KLHL4: variants seen among roughly 807,000 people sequenced by gnomAD.
KLHL4 encodes kelch-like protein 4.
KLHL4 carries 17 observed loss-of-function variants against 45.8 expected under a neutral mutation model. That is an observed-to-expected ratio of 0.37 (90% CI 0.25 to 0.56). The LOEUF (loss-of-function observed/expected upper bound fraction) is 0.56, where lower values mean the gene tolerates loss of function less well. Among genes scored for constraint, KLHL4 ranks in the 20% least tolerant of loss-of-function variants. The pLI, the probability that KLHL4 is intolerant of heterozygous loss-of-function variation, is 0.79. For synonymous variants in KLHL4, 224 were observed against 189.9 expected (o/e 1.18, Z -1.47); for missense variants, 544 against 544.9 (o/e 1.00, Z 0.02).
At chrX:87,633,038 G>A (rs1169885609) in intron 7 of KLHL4, among the ~76,000 whole-genome samples, 1 of 111,424 alleles carries the variant, frequency 9.0e-6, no homozygotes, top group Non-Finnish European at 1.9e-5. Context: ...GTTCAGTTAT[G>A]TCAGTGTTAT....
At chrX:87,626,439 C>T (rs1033569213) in intron 6 of KLHL4, among the ~76,000 whole-genome samples, 2 of 110,696 alleles carry the variant, frequency 1.8e-5, no homozygotes, top group Non-Finnish European at 3.8e-5. Flanking sequence ...TTTTCATAAA[C>T]AATAAAGCAG....
chrX:87,541,774 A>G (rs1420543003), intron 1 of KLHL4, among the ~76,000 whole-genome samples: 3 of 111,492 alleles, frequency 2.7e-5, no homozygotes, highest in African/African-American at 9.8e-5. Flanking sequence ...AAAATGTGGG[A>G]GCGACTTTGG....
At chrX:87,545,554 C>T (rs1408064742) in intron 1 of KLHL4, among the ~76,000 whole-genome samples, 1 of 111,779 alleles carries the variant, frequency 8.9e-6, no homozygotes, top group Admixed American at 9.5e-5. Flanking sequence ...GTCAATTAAA[C>T]CACTTTTCTT....
chrX:87,626,612 A>G (rs921518718), intron 6 of KLHL4, among the ~76,000 whole-genome samples: 14 of 106,710 alleles, frequency 1.3e-4, no homozygotes, highest in African/African-American at 4.1e-4. Flanking sequence ...CCCACAAGGA[A>G]TTTCCTTGTG....
At chrX:87,644,938 A>G (rs1014702674) in intron 9 of KLHL4, among the ~76,000 whole-genome samples, 1 of 112,186 alleles carries the variant, frequency 8.9e-6, no homozygotes, top group African/African-American at 3.2e-5. Context: ...ACCTGAAACT[A>G]TAAAAATTCT....
chrX:87,633,318 T>A (rs779130763), intron 7 of KLHL4, among the ~76,000 whole-genome samples: 1 of 112,214 alleles, frequency 8.9e-6, no homozygotes, highest in South Asian at 3.7e-4. Flanking sequence ...AATCTTTTTA[T>A]CCCTATATTA....
At chrX:87,627,584 A>G (rs1369317236) in intron 6 of KLHL4, among the ~76,000 whole-genome samples, 3 of 111,607 alleles carry the variant, frequency 2.7e-5, no homozygotes, top group African/African-American at 9.8e-5. Flanking sequence ...TTTTGTAACA[A>G]TAATGTTACA....
At chrX:87,606,272 G>A (rs1399611696) in intron 1 of KLHL4, among the ~76,000 whole-genome samples, 2 of 110,530 alleles carry the variant, frequency 1.8e-5, no homozygotes, top group East Asian at 5.6e-4. Context: ...TCTATATTCT[G>A]GATTAGTTTG....
At chrX:87,576,283 C>G (rs191924306) in intron 1 of KLHL4, among the ~76,000 whole-genome samples, 23 of 111,252 alleles carry the variant, frequency 2.1e-4, no homozygotes, top group Non-Finnish European at 3.8e-4. Flanking sequence ...TATGTGAAAG[C>G]TGAAAAATAC....
intron 6 of KLHL4, among the ~76,000 whole-genome samples, chrX:87,628,410 G>T (rs1398875061): frequency 9.0e-6 from 1 of 111,345 alleles, no homozygotes; most frequent in Non-Finnish European, 1.9e-5. Flanking sequence ...AAGAGAAAAA[G>T]AAAGAAAAAA....
At chrX:87,556,076 C>A (rs1383599265) in intron 1 of KLHL4, among the ~76,000 whole-genome samples, 2 of 110,907 alleles carry the variant, frequency 1.8e-5, no homozygotes, top group Non-Finnish European at 3.8e-5. Context: ...GCACTGTAGT[C>A]TGAGAGACAG....
intron 9 of KLHL4, among the ~76,000 whole-genome samples, chrX:87,653,900 G>A (rs974213993): frequency 4.5e-5 from 5 of 111,211 alleles, no homozygotes; most frequent in African/African-American, 1.6e-4. Context: ...AACACCTCCT[G>A]TTCTCACTTA....
chrX:87,613,297 C>T (rs1300653315), intron 1 of KLHL4, among the ~76,000 whole-genome samples: 1 of 111,568 alleles, frequency 9.0e-6, no homozygotes, highest in Admixed American at 9.6e-5. Flanking sequence ...AGGTAGCTTG[C>T]TTTTATTATT....
At chrX:87,584,911 C>T (rs180969157) in intron 1 of KLHL4, among the ~76,000 whole-genome samples, 21 of 105,453 alleles carry the variant, frequency 2.0e-4, no homozygotes, top group Admixed American at 8.1e-4. Context: ...CCCAAAATGA[C>T]GACCTCAAGC....
intron 1 of KLHL4, among the ~76,000 whole-genome samples, chrX:87,531,931 C>T (rs1418189623): frequency 9.8e-6 from 1 of 101,564 alleles, no homozygotes; most frequent in Admixed American, 1.1e-4. Context: ...AGATTCAATG[C>T]CATCCCCATC....
chrX:87,577,657 G>A (rs927503116), intron 1 of KLHL4, among the ~76,000 whole-genome samples: 3 of 111,467 alleles, frequency 2.7e-5, no homozygotes, highest in Non-Finnish European at 5.7e-5. Context: ...GCACATTTAT[G>A]TAAAATTAAA....
At chrX:87,648,779 A>C (rs1255726248) in intron 9 of KLHL4, among the ~76,000 whole-genome samples, 1 of 111,834 alleles carries the variant, frequency 8.9e-6, no homozygotes, top group Non-Finnish European at 1.9e-5. Flanking sequence ...GCTCTCTAGC[A>C]CTCAGTGTAT....
At chrX:87,535,415 C>T (rs942617844) in intron 1 of KLHL4, among the ~76,000 whole-genome samples, 4 of 112,023 alleles carry the variant, frequency 3.6e-5, no homozygotes, top group African/African-American at 1.3e-4. Context: ...ATATGTGATA[C>T]AATTGTGACA....
At chrX:87,561,888 C>T (rs1038161172) in intron 1 of KLHL4, among the ~76,000 whole-genome samples, 2 of 110,148 alleles carry the variant, frequency 1.8e-5, no homozygotes, top group Non-Finnish European at 3.8e-5. Context: ...TTTCTAGATC[C>T]ACTCTGGGCA....
Sources: allele counts gnomAD v4.1 joint callset (sites outside exome capture counted in the v4.1 genomes callset), GRCh38; gene constraint gnomAD v4.1.1; transcripts MANE v1.5; gene names NCBI Gene and HGNC (gene_info 2026-07-23, HGNC 2026-07-21).